Variants in WWOX observed in about 807,000 individuals in gnomAD.
WWOX encodes the protein WW domain-containing oxidoreductase.
WWOX carries 69 observed loss-of-function variants against 46.2 expected under a neutral mutation model. The ratio of observed to expected loss-of-function variants is 1.49; its 90% CI spans 1.23 to 1.82. WWOX has a LOEUF of 1.82. Ranked by LOEUF, WWOX falls within the 40% of genes most tolerant of loss-of-function variation. The probability of loss-of-function intolerance (pLI) is 0.00; values close to 1 mark genes in which losing one functional copy is unlikely to be tolerated. For synonymous variants in WWOX, 359 were observed against 202.6 expected (o/e 1.77, Z -6.56); for missense variants, 919 against 542.6 (o/e 1.69, Z -6.89).
chr16:78,742,792 T>G (rs117367463), intron 8 of WWOX, among the ~76,000 whole-genome samples: 2,383 of 152,294 alleles, frequency 0.016, 37 homozygotes, highest in South Asian at 0.034. Flanking sequence ...TCTGATGTTC[T>G]TGGGAAACTT....
intron 8 of WWOX, among the ~76,000 whole-genome samples, chr16:79,082,681 G>T (rs1175343975): frequency 6.6e-6 from 1 of 152,144 alleles, no homozygotes; most frequent in Non-Finnish European, 1.5e-5. Flanking sequence ...TTTAGCTTCT[G>T]CCAGCACATT....
intron 8 of WWOX, among the ~76,000 whole-genome samples, chr16:78,931,934 G>A (rs2045632280): frequency 6.6e-6 from 1 of 152,170 alleles, no homozygotes; most frequent in Non-Finnish European, 1.5e-5. Flanking sequence ...AGTCCCATGA[G>A]ATCTGATGGT....
intron 3 of WWOX, among the ~76,000 whole-genome samples, chr16:78,114,089 C>CT (rs759734805): frequency 0.03 from 3,151 of 104,060 alleles, 57 homozygotes; most frequent in Non-Finnish European, 0.036. Context: ...CCATATGTGC[C>CT]TTTTTTTTTT....
intron 5 of WWOX, among the ~76,000 whole-genome samples, chr16:78,382,404 C>G (rs1195980066): frequency 6.6e-6 from 1 of 152,200 alleles, no homozygotes; most frequent in Non-Finnish European, 1.5e-5. Context: ...CACCTGGTCC[C>G]TGAGTGGCCA....
chr16:79,128,503 C>G (rs1437466554), intron 8 of WWOX, among the ~76,000 whole-genome samples: 1 of 152,124 alleles, frequency 6.6e-6, no homozygotes, highest in Non-Finnish European at 1.5e-5. Flanking sequence ...GGTTAAATAA[C>G]TTGGCCAAGG....
rs1396588388 is a variant in WWOX, at chr16:79,165,929, C to A, written c.1057-45679C>A. Reference sequence around the variant, plus strand: ...TCATACTAATCAACTCAATTACCAGCCCTCTCAGACATTTTCATAATGTTT... The same window carrying A: ...TCATACTAATCAACTCAATTACCAGACCTCTCAGACATTTTCATAATGTTT... On this transcript the variant is annotated intron_variant, in intron 8 of 8. Transcript: ENST00000566780. 2.0e-5 allele frequency among the ~76,000 whole-genome samples: 3 copies of A among 152,310 alleles called. No individual in the cohort carries two copies. The East Asian group carries it at 5.8e-4, about 29-fold the overall frequency.
chr16:78,326,916 A>G (rs1457727494), intron 5 of WWOX, among the ~76,000 whole-genome samples: 1 of 152,148 alleles, frequency 6.6e-6, no homozygotes. Flanking sequence ...CACCATGGAG[A>G]TGACAAACAC....
chr16:79,180,651 C>G (rs886658075), intron 8 of WWOX, among the ~76,000 whole-genome samples: 11 of 147,412 alleles, frequency 7.5e-5, no homozygotes, highest in African/African-American at 1.1e-4. Flanking sequence ...TTCTTTTTCT[C>G]TTCTTCTTTC....
At chr16:78,499,444 C>T (rs16947801) in intron 8 of WWOX, among the ~76,000 whole-genome samples, 1 of 152,292 alleles carries the variant, frequency 6.6e-6, no homozygotes, top group South Asian at 2.1e-4. Flanking sequence ...CACTTTTTAC[C>T]ATAGCTAACC....
rs531613913 is a variant in WWOX at position 78,330,541 on chromosome 16, C to A, written c.517-56319C>A. ...CCTCCCGAGTAGGTGAGACTACAGG[C>A]GCATGCCACCACCGCCAGCTAATTT... is the stretch of plus-strand genomic sequence containing the variant. On this transcript the variant is annotated intron_variant, in intron 5 of 8. Coordinates refer to ENST00000566780, the MANE Select transcript of WWOX (RefSeq NM_016373.4). Among the ~76,000 whole-genome samples, 12 of 152,222 alleles carry A rather than the reference C, an allele frequency of 7.9e-5. No individual in the cohort carries two copies. The East Asian group carries it at 2.1e-3, about 27-fold the overall frequency.
chr16:78,245,821 G>A (rs895364983), intron 5 of WWOX, among the ~76,000 whole-genome samples: 11 of 152,188 alleles, frequency 7.2e-5, no homozygotes, highest in Admixed American at 4.6e-4. Context: ...AGACCCAAGT[G>A]CCTGGGCGCT....
At position 78,984,160 on chromosome 16, in the gene WWOX, G is replaced by C. The variant is rs1301347689; in HGVS notation, c.1057-227448G>C. 2.6e-5 allele frequency among the ~76,000 whole-genome samples: 4 copies of C among 152,234 alleles called. No homozygotes were observed. The South Asian group carries it at 8.3e-4, about 32-fold the overall frequency. ...CCCAAAGTGCTGGCATTACAGGCAT[G>C]AGCCATCGCGCCCGGCCAGAGGGCT... On this transcript the variant is annotated intron_variant, in intron 8 of 8. Coordinates refer to ENST00000566780, the MANE Select transcript of WWOX (RefSeq NM_016373.4).
At chr16:78,316,795 A>G (rs1191372541) in intron 5 of WWOX, among the ~76,000 whole-genome samples, 1 of 152,190 alleles carries the variant, frequency 6.6e-6, no homozygotes, top group Non-Finnish European at 1.5e-5. Context: ...CAGAGGGTAG[A>G]CTGCTAGCTC....
intron 5 of WWOX, among the ~76,000 whole-genome samples, chr16:78,247,611 A>G (rs925804890): frequency 1.3e-5 from 2 of 152,028 alleles, no homozygotes; most frequent in Admixed American, 1.3e-4. Flanking sequence ...GCAATTTCCC[A>G]ACACCTGCCC....
At chr16:78,352,000 C>A (rs1040577239) in intron 5 of WWOX, among the ~76,000 whole-genome samples, 30 of 152,100 alleles carry the variant, frequency 2.0e-4, no homozygotes, top group Non-Finnish European at 4.0e-4. Flanking sequence ...GTCAAACACT[C>A]AAATGTTTGG....
intron 8 of WWOX, among the ~76,000 whole-genome samples, chr16:79,032,749 GTTC>G (rs1454881964): frequency 2.6e-5 from 4 of 151,292 alleles, no homozygotes; most frequent in Non-Finnish European, 4.4e-5. Flanking sequence ...TAGTACCAGG[GTTC>G]TTCTTTTTTT....
rs1056178115 is a variant in WWOX, at chr16:78,553,826, G to C, written c.1056+121074G>C. The stretch of plus-strand genomic sequence containing the variant: ...AGACCCCCCTGGTGGCAGTATTGGT[G>C]GTCACAGCTGGCAAAGGGAAGTGTG... On this transcript the variant is annotated intron_variant, in intron 8 of 8. Coordinates refer to ENST00000566780, the MANE Select transcript of WWOX (RefSeq NM_016373.4). Among the ~76,000 whole-genome samples the C allele has an allele frequency of 8.6e-5, 13 of 151,998 alleles. 1 individual carries two copies. Among genetic ancestry groups the C allele is most frequent in the Admixed American group, 7.2e-4 (11 of 15,272 alleles).
chr16:78,191,674 G>C (rs2035888014), intron 5 of WWOX, among the ~76,000 whole-genome samples: 1 of 152,124 alleles, frequency 6.6e-6, no homozygotes, highest in South Asian at 2.1e-4. Flanking sequence ...CATGGGGAAG[G>C]TTTTGGGTGA....
At chr16:78,117,768 G>A (rs1170358162) in intron 4 of WWOX, among the ~76,000 whole-genome samples, 1 of 152,130 alleles carries the variant, frequency 6.6e-6, no homozygotes, top group Non-Finnish European at 1.5e-5. Flanking sequence ...AAGACTTCTG[G>A]GGCATTCAGG....
Sources: gnomAD v4.1 joint callset for allele counts (sites outside exome capture counted in the v4.1 genomes callset) on GRCh38, gnomAD v4.1.1 for gene constraint, MANE v1.5 for transcripts, NCBI Gene and HGNC (gene_info 2026-07-23, HGNC 2026-07-21) for gene names.